MGST1: variants seen among roughly 807,000 people sequenced by gnomAD.
MGST1 encodes the protein microsomal glutathione S-transferase 1, also known as glutathione S-transferase 12.
MGST1 carries 5 observed loss-of-function variants against 8.9 expected under a neutral mutation model. That is an observed-to-expected ratio of 0.56 (90% CI 0.29 to 1.19). The LOEUF (loss-of-function observed/expected upper bound fraction) is 1.19. MGST1 is among the 50% of genes most tolerant of loss of function. The pLI is 0.08. For missense variants in MGST1, 182 were observed against 187.4 expected (o/e 0.97, Z 0.17); for synonymous variants, 54 against 67.8 (o/e 0.80, Z 1.00).
intron 4 of MGST1, among the ~76,000 whole-genome samples, chr12:16,494,183 AT>A (rs1396653168): frequency 6.6e-6 from 1 of 152,182 alleles, no homozygotes; most frequent in African/African-American, 2.4e-5. Flanking sequence ...GATCAAAAAA[AT>A]TAAATAAAAC....
chr12:16,388,142 T>C (rs1416814541), intron 1 of MGST1, among the ~76,000 whole-genome samples: 1 of 151,012 alleles, frequency 6.6e-6, no homozygotes, highest in East Asian at 2.0e-4. Context: ...GTTTTTGCCA[T>C]AAAAGTGATG....
rs1309150249 is a variant in MGST1 at position 16,410,705 on chromosome 12, A to G, written n.779-26683A>G. On this transcript the variant is annotated intron_variant and non_coding_transcript_variant, in intron 1 of 1. Coordinates refer to the MGST1 transcript ENST00000359720. This position sits in a 1 kb window ranked among gnomAD's most constrained non-coding sequence, Gnocchi z 4.4. ...TATAAATATATAATATAATATATAA[A>G]TATATAATCAAATATTCAAATATAC... Among the ~76,000 whole-genome samples, 1 of 148,314 alleles carries G rather than the reference A, an allele frequency of 6.7e-6. No homozygotes were observed. Among genetic ancestry groups the G allele is most frequent in the Admixed American group, 6.8e-5 (1 of 14,756 alleles).
At position 16,497,912 on chromosome 12, in the gene MGST1, T is replaced by C. The variant is rs2417591; in HGVS notation, n.483-91616T>C. Among the ~76,000 whole-genome samples the C allele has an allele frequency of 6.6e-6, 1 of 152,184 alleles. No individual in the cohort carries two copies. The highest frequency in any genetic ancestry group is 1.5e-5 in the Non-Finnish European group (1 of 68,018). On this transcript the variant is annotated intron_variant and non_coding_transcript_variant, in intron 4 of 4. Coordinates refer to the MGST1 transcript ENST00000538857. The surrounding 1 kb of genome is among the most constrained non-coding windows in gnomAD (Gnocchi z 4.4). ...GCATTTCTACCAGTTCTAGTCTAGA[T>C]GATAGTCTTTGTAATCACATTTTAT... is the stretch of plus-strand genomic sequence containing the variant.
At chr12:16,527,587 T>C (rs1941695134) in intron 4 of MGST1, among the ~76,000 whole-genome samples, 1 of 151,950 alleles carries the variant, frequency 6.6e-6, no homozygotes, top group Admixed American at 6.6e-5. Context: ...TTTCCTAGCC[T>C]AAAATGGTAT....
chr12:16,360,986 C>CG lies in MGST1; in HGVS notation c.222-2809_222-2808insG, dbSNP rs1304741592. On this transcript the variant is annotated intron_variant, in intron 3 of 3. Transcript: ENST00000396210. ...CCTCAGGGGTTTATAGTGTTCCCCC[C>CG]CTCCCCGCCCCCAAAAGACCCACAT... Among the ~76,000 whole-genome samples, 9 of 148,128 alleles carry CG rather than the reference C, an allele frequency of 6.1e-5. No individual in the cohort carries two copies. The South Asian group carries it at 1.0e-3, about 17-fold the overall frequency.
At chr12:16,522,872 G>A (rs1368915001) in intron 4 of MGST1, among the ~76,000 whole-genome samples, 1 of 151,916 alleles carries the variant, frequency 6.6e-6, no homozygotes, top group Non-Finnish European at 1.5e-5. Flanking sequence ...TCCCTTAAAG[G>A]TAATCAAGCT....
Position 16,560,926 on chromosome 12 carries a change from TAATG to T in MGST1, n.483-28596_483-28593del. 1 of 188,662 alleles carries T rather than the reference TAATG, an allele frequency of 5.3e-6. No individual in the cohort carries two copies. Among genetic ancestry groups the T allele is most frequent in the South Asian group, 8.5e-5 (1 of 11,708 alleles). 11.7% of individuals were successfully genotyped at this position (188,662 alleles called of 1,614,324 possible). Reference sequence around the variant, plus strand: ...CATTTTAGTTGGGAAAGGAACCAACTAATGAATGATTCACTACTTTTTGACATTT... The same window carrying T: ...CATTTTAGTTGGGAAAGGAACCAACTAATGATTCACTACTTTTTGACATTT... On this transcript the variant is annotated intron_variant and non_coding_transcript_variant, in intron 4 of 4. Transcript: ENST00000538857. The surrounding 1 kb of genome is among the most constrained non-coding windows in gnomAD (Gnocchi z 5.0).
downstream of MGST1, among the ~76,000 whole-genome samples, chr12:16,442,970 G>A (rs565268510): frequency 3.4e-4 from 52 of 151,688 alleles, 1 homozygote; most frequent in South Asian, 9.7e-3. The surrounding 1 kb of genome is among the most constrained non-coding windows in gnomAD (Gnocchi z 4.5). Context: ...GTGTTAAAAC[G>A]TCCAATTGTA....
chr12:16,556,966 G>C (rs1942214972), intron 4 of MGST1, among the ~76,000 whole-genome samples: 1 of 152,164 alleles, frequency 6.6e-6, no homozygotes. Flanking sequence ...TACTAGAATA[G>C]TATTTCGCAG....
intron 4 of MGST1, among the ~76,000 whole-genome samples, chr12:16,450,931 A>C (rs941873180): frequency 6.6e-5 from 10 of 151,732 alleles, no homozygotes; most frequent in African/African-American, 2.4e-4. Flanking sequence ...AAGTTAGTAC[A>C]ATTATCTGAA....
chr12:16,458,639 A>G lies in MGST1; in HGVS notation n.482+75035A>G, dbSNP rs535472963. Among the ~76,000 whole-genome samples, 28 of 152,194 alleles carry G rather than the reference A, an allele frequency of 1.8e-4. No individual in the cohort carries two copies. The highest frequency in any genetic ancestry group is 2.6e-4 in the Non-Finnish European group (18 of 67,976). ...TAAGCTTGTATGAAAATGAAATTAT[A>G]TATTATAAACATGGAATATCAGTAG... On this transcript the variant is annotated intron_variant and non_coding_transcript_variant, in intron 4 of 4. Transcript: ENST00000538857. This position sits in a 1 kb window ranked among gnomAD's most constrained non-coding sequence, Gnocchi z 4.0.
chr12:16,377,552 G>T (rs994093271), downstream of MGST1, among the ~76,000 whole-genome samples: 1 of 152,010 alleles, frequency 6.6e-6, no homozygotes, highest in African/African-American at 2.4e-5. Flanking sequence ...ATCGTTGTTG[G>T]ACATTTAGGT....
chr12:16,464,044 G>C (rs982555808), intron 4 of MGST1, among the ~76,000 whole-genome samples: 17 of 152,106 alleles, frequency 1.1e-4, no homozygotes, highest in African/African-American at 3.9e-4. Context: ...TTCATTACTC[G>C]TTGACTATTG....
chr12:16,572,907 T>C (rs995884068), intron 4 of MGST1, among the ~76,000 whole-genome samples: 1 of 151,612 alleles, frequency 6.6e-6, no homozygotes, highest in East Asian at 1.9e-4. Flanking sequence ...TTTTTAACAG[T>C]TTGATAACAG....
At chr12:16,378,960 G>A (rs950671132), downstream of MGST1, among the ~76,000 whole-genome samples, 4 of 152,028 alleles carry the variant, frequency 2.6e-5, no homozygotes, top group Non-Finnish European at 4.4e-5. Context: ...TCTGTTATTC[G>A]TGTATAAGAA....
intron 4 of MGST1, among the ~76,000 whole-genome samples, chr12:16,533,764 C>T (rs543140686): frequency 3.3e-5 from 5 of 151,662 alleles, no homozygotes; most frequent in African/African-American, 1.2e-4. Flanking sequence ...CTCACAGTAA[C>T]GTGAATGTGG....
In MGST1 at chr12:16,389,907, TAGAAAAAG is replaced by T. The variant is rs1424126556; in HGVS notation, n.778+6315_778+6322del. Among the ~76,000 whole-genome samples the T allele has an allele frequency of 6.6e-6, 1 of 151,844 alleles. No individual in the cohort carries two copies. The highest frequency in any genetic ancestry group is 1.5e-5 in the Non-Finnish European group (1 of 67,958). On this transcript the variant is annotated intron_variant and non_coding_transcript_variant, in intron 1 of 1. Transcript: ENST00000359720. This position sits in a 1 kb window ranked among gnomAD's most constrained non-coding sequence, Gnocchi z 4.6. ...GAAGAGTGAGGCAGGATTGCGTAAG[TAGAAAAAG>T]AGAAAAAGAGAGCAATGCTCTTGTG...
chr12:16,479,819 A>G (rs575504334), intron 4 of MGST1, among the ~76,000 whole-genome samples: 7 of 152,320 alleles, frequency 4.6e-5, no homozygotes, highest in African/African-American at 1.7e-4. Flanking sequence ...TATAGGCCTG[A>G]GCCACTGCAC....
chr12:16,538,589 C>T (rs551557975), intron 4 of MGST1, among the ~76,000 whole-genome samples: 5 of 150,318 alleles, frequency 3.3e-5, no homozygotes, highest in Admixed American at 1.3e-4. Flanking sequence ...AGAATCATGG[C>T]AAGAGATGAA....
Sources: gnomAD v4.1 joint callset for allele counts (sites outside exome capture counted in the v4.1 genomes callset) on GRCh38, gnomAD v4.1.1 for gene constraint, Gnocchi (gnomAD v3.1) non-coding constraint, MANE v1.5 for transcripts, NCBI Gene and HGNC (gene_info 2026-07-23, HGNC 2026-07-21) for gene names.